Variants in NAGPA observed in about 807,000 individuals in gnomAD.
The protein encoded by NAGPA is alpha-N-acetylglucosaminyl phosphodiesterase.
A neutral mutation model predicts 48.5 loss-of-function variants in NAGPA; 56 were observed. The ratio of observed to expected loss-of-function variants is 1.15; its 90% CI spans 0.93 to 1.44. The LOEUF is 1.44. Among genes scored for constraint, NAGPA ranks in the 40% most tolerant of loss-of-function variants. NAGPA has a pLI of 0.00. For synonymous variants in NAGPA, 399 were observed against 315.5 expected, an observed-to-expected ratio of 1.26 and a Z score of -2.81; for missense variants, 888 against 735.0, an observed-to-expected ratio of 1.21 and a Z score of -2.41.
chr16:5,026,613 T>C (rs911237083), intron 9 of NAGPA, among the ~76,000 whole-genome samples: 1 of 152,224 alleles, frequency 6.6e-6, no homozygotes, highest in Non-Finnish European at 1.5e-5. Flanking sequence ...AAAAATTATG[T>C]AAGCCAAATA....
rs191379260 is a variant in NAGPA at position 5,027,722 on chromosome 16, C to T, written c.1174+124G>A. On this transcript the variant is annotated intron_variant, in intron 7 of 9. Transcript: ENST00000312251. The stretch of plus-strand genomic sequence containing the variant: ...TCACACAGTGATGTGCAGGTGAGGC[C>T]GGGGCAGAAGACAAGAGGCAAGCAT... The T allele has an allele frequency of 3.5e-5, 49 of 1,397,398 alleles. No individual in the cohort carries two copies. The East Asian group carries it at 7.0e-4, about 20-fold the overall frequency. The allele number at this position is 1,397,398 out of a possible 1,614,324, so 86.6% of individuals were successfully genotyped here.
At position 5,025,244 on chromosome 16, in the gene NAGPA, C is replaced by T. The variant is rs973340082; in HGVS notation, c.*234G>A. The T allele has an allele frequency of 2.0e-5, 12 of 586,240 alleles. No homozygotes were observed. The highest frequency in any genetic ancestry group is 1.6e-4 in the South Asian group (8 of 50,056). 36.3% of individuals were successfully genotyped at this position (586,240 alleles called of 1,614,324 possible). The stretch of plus-strand genomic sequence containing the variant: ...CTTCTCGGCAGCAGACACAGGCAGG[C>T]CAGAAGCAGGCAGCTGAGCCTCTCC... On this transcript the variant is annotated 3_prime_UTR_variant, in exon 10 of 10. Transcript: ENST00000312251.
At chr16:5,027,581 G>C (rs886907935) in intron 7 of NAGPA, among the ~76,000 whole-genome samples, 1 of 152,228 alleles carries the variant, frequency 6.6e-6, no homozygotes, top group African/African-American at 2.4e-5. Context: ...AGGCACTGCA[G>C]TTAGGATCTC....
At chr16:5,028,588 G>A in intron 5 of NAGPA, 2 of 553,166 alleles carry the variant, frequency 3.6e-6, no homozygotes, top group Non-Finnish European at 6.5e-6. Flanking sequence ...CCAGCCCTGG[G>A]CCTTTCACAT....
In NAGPA at chr16:5,029,364, G is replaced by T. The variant is rs564725570; in HGVS notation, c.792-356C>A. On this transcript the variant is annotated intron_variant, in intron 4 of 9. Transcript: ENST00000312251. ...GGGATGAGAGGGTGGCCGGACAACT[G>T]GGGGAGAGGACACACATGGGAAGGA... 13 of 356,462 alleles carry T rather than the reference G, an allele frequency of 3.6e-5. No individual in the cohort carries two copies. In the Admixed American group the frequency reaches 4.7e-4, roughly 13 times the overall value. The allele number at this position is 356,462 out of a possible 1,614,324, so 22.1% of individuals were successfully genotyped here.
At chr16:5,027,665 T>C (rs1310605250) in intron 7 of NAGPA, among the ~76,000 whole-genome samples, 181 bp downstream of exon 7, 1 of 152,116 alleles carries the variant, frequency 6.6e-6, no homozygotes, top group African/African-American at 2.4e-5. Flanking sequence ...GCCGAGCCCT[T>C]TGTGGAACGG....
Position 5,025,096 on chromosome 16 carries a change from G to C in NAGPA, c.*382C>G, listed in dbSNP as rs574565453. On this transcript the variant is annotated 3_prime_UTR_variant, in exon 10 of 10. Transcript: ENST00000312251. Reference sequence around the variant, plus strand: ...TCGTCCCTTTAACCCACTCCAGCCAGGGGTGCTGGCCAGGATGTGCTGTTC... The same window carrying C: ...TCGTCCCTTTAACCCACTCCAGCCACGGGTGCTGGCCAGGATGTGCTGTTC... 4.0e-5 allele frequency: 11 copies of C among 273,120 alleles called. No homozygotes were observed. The highest frequency in any genetic ancestry group is 1.3e-3 in the Middle Eastern group (1 of 794). 16.9% of individuals were successfully genotyped at this position (273,120 alleles called of 1,614,324 possible).
Position 5,025,456 on chromosome 16 carries a change from C to T in NAGPA, c.*22G>A, listed in dbSNP as rs1955978984. The T allele has an allele frequency of 6.2e-7, 1 of 1,610,376 alleles. No homozygotes were observed. Among genetic ancestry groups the T allele is most frequent in the Non-Finnish European group, 8.5e-7 (1 of 1,178,896 alleles). On this transcript the variant is annotated 3_prime_UTR_variant, in exon 10 of 10. Transcript: ENST00000312251. ...TGGGGAAACAAGCTTTCGCGACGTG[C>T]CACCCCGGGCAGCTTGAGGCTTCAG...
Position 5,028,062 on chromosome 16 carries a change from G to A in NAGPA, c.1044C>T (p.Thr348=), listed in dbSNP as rs570849420. The part of the protein sequence containing the change: ...GTCVDGHCQC[T]GHFWRGPGCD... ...AGCCGGGACCCCGCCAGAAGTGCCCGGTGCATTGGCAGTGCCCGTCCACGC... is the reference window on the plus strand; with the variant it reads ...AGCCGGGACCCCGCCAGAAGTGCCCAGTGCATTGGCAGTGCCCGTCCACGC... The change falls in exon 6 of 10, where the codon ACC becomes ACT. Residue 348 remains threonine (T), a synonymous_variant. Coordinates refer to ENST00000312251, the MANE Select transcript of NAGPA (RefSeq NM_016256.4). 27 of 1,613,608 alleles carry A rather than the reference G, an allele frequency of 1.7e-5. No homozygotes were observed. The highest frequency in any genetic ancestry group is 3.3e-4 in the Middle Eastern group (2 of 6,060).
chr16:5,028,302 A>G (rs1273730277), intron 5 of NAGPA, 117 bp from the exon 6 acceptor site: 4 of 1,531,664 alleles, frequency 2.6e-6, no homozygotes, highest in Non-Finnish European at 3.5e-6. Context: ...CCTACCTACA[A>G]GATGGCGTCT....
intron 4 of NAGPA, chr16:5,029,672 C>T (rs1671104859): frequency 6.2e-6 from 1 of 160,628 alleles, no homozygotes; most frequent in South Asian, 1.8e-4. Context: ...CCTGTTAATT[C>T]CAGCACTTTG....
At chr16:5,031,508 CT>C (rs1209061309) in intron 3 of NAGPA, 2 of 554,388 alleles carry the variant, frequency 3.6e-6, no homozygotes, top group South Asian at 2.0e-5. Flanking sequence ...CCCCTTTCCC[CT>C]AACTTTATTT....
At position 5,025,578 on chromosome 16, in the gene NAGPA, T is replaced by A. The variant is rs144337301; in HGVS notation, c.1448A>T (p.His483Leu). The A allele has an allele frequency of 1.9e-6, 3 of 1,613,848 alleles. No homozygotes were observed. Among genetic ancestry groups the A allele is most frequent in the East Asian group, 2.2e-5 (1 of 44,886 alleles). Residue 483 changes from histidine (H) to leucine (L), a missense_variant, in exon 10 of 10, where the codon CAT becomes CTT. Coordinates refer to ENST00000312251, the MANE Select transcript of NAGPA (RefSeq NM_016256.4). ...LSRAERNRRL[H>L]GDYAYHPLQE... ...CAGCGGGTGGTATGCATAGTCCCCA[T>A]GCAGGCGCCGGTTCCTCTCTGCTCT...
chr16:5,031,432 G>A (rs912507090), intron 3 of NAGPA: 110 of 376,308 alleles, frequency 2.9e-4, no homozygotes, highest in Admixed American at 1.9e-4. Flanking sequence ...CGATGTTGCA[G>A]GTCCATGAAG....
chr16:5,028,847 C>T (rs1956050197), intron 5 of NAGPA, 33 bp downstream of exon 5: 1 of 1,613,692 alleles, frequency 6.2e-7, no homozygotes, highest in Non-Finnish European at 8.5e-7. Context: ...ACCTGGACTT[C>T]AGCCCTCACG....
rs1567141472 is a variant in NAGPA at position 5,031,554 on chromosome 16, A to G, written c.682+191T>C. On this transcript the variant is annotated intron_variant, in intron 3 of 9. Coordinates refer to ENST00000312251, the MANE Select transcript of NAGPA (RefSeq NM_016256.4). ...AGCACTTATCAATTCTTTTCAGCAT[A>G]TTCTATAACTATTTTTTGTCCTATA... 6.7e-6 allele frequency: 5 copies of G among 750,900 alleles called. No homozygotes were observed. The East Asian group carries it at 1.0e-4, about 15-fold the overall frequency. The allele number at this position is 750,900 out of a possible 1,614,324, so 46.5% of individuals were successfully genotyped here.
At position 5,030,507 on chromosome 16, in the gene NAGPA, AG is replaced by A; in HGVS notation, c.683-15del. On this transcript the variant is annotated splice_polypyrimidine_tract_variant and intron_variant, in intron 3 of 9. Transcript: ENST00000312251. ...TGCTAAAGGAACCTGAAGGAAAAGC[AG>A]CCTGGCTGATCACCGCCCCTTGGGA... 1 of 1,549,172 alleles carries A rather than the reference AG, an allele frequency of 6.5e-7. No homozygotes were observed. Among genetic ancestry groups the A allele is most frequent in the Admixed American group, 2.0e-5 (1 of 51,040 alleles).
At position 5,027,396 on chromosome 16, in the gene NAGPA, G is replaced by T. The variant is rs1470328160; in HGVS notation, c.1175-17C>A. ...GGGGACACTCTATGGAAAGGAGATG[G>T]GAGGAGGGAGGAGGGAGGAGAAAGG... On this transcript the variant is annotated splice_polypyrimidine_tract_variant and intron_variant, in intron 7 of 9. Coordinates refer to ENST00000312251, the MANE Select transcript of NAGPA (RefSeq NM_016256.4). 1.8e-6 allele frequency: 1 copy of T among 557,148 alleles called. No individual in the cohort carries two copies. The highest frequency in any genetic ancestry group is 2.6e-6 in the Non-Finnish European group (1 of 388,816). 34.5% of individuals were successfully genotyped at this position (557,148 alleles called of 1,614,324 possible).
intron 2 of NAGPA, among the ~76,000 whole-genome samples, chr16:5,032,152 C>A (rs756115205): frequency 2.9e-4 from 44 of 152,168 alleles, no homozygotes; most frequent in Non-Finnish European, 5.6e-4. Flanking sequence ...CATCCCCCAA[C>A]AGAGCTCAAA....
Sources: gnomAD v4.1 joint callset for allele counts (sites outside exome capture counted in the v4.1 genomes callset) on GRCh38, gnomAD v4.1.1 for gene constraint, MANE v1.5 for transcripts, NCBI Gene and HGNC (gene_info 2026-07-23, HGNC 2026-07-21) for gene names.